ROR2: variants seen among roughly 807,000 people sequenced by gnomAD.
The protein encoded by ROR2 is tyrosine-protein kinase transmembrane receptor ROR2.
ROR2 carries 33 observed loss-of-function variants against 74.9 expected under a neutral mutation model. The observed-to-expected ratio is 0.44, with a 90% CI of 0.33 to 0.59. The LOEUF is 0.59. Ranked by LOEUF, ROR2 falls within the 20% of genes least tolerant of loss-of-function variation. The pLI is 0.02. For missense variants in ROR2, 1,216 were observed against 1,313.8 expected, an observed-to-expected ratio of 0.93 and a Z score of 1.15; for synonymous variants, 586 against 558.7, an observed-to-expected ratio of 1.05 and a Z score of -0.69.
At chr9:91,892,947 T>C (rs1038662675) in intron 1 of ROR2, among the ~76,000 whole-genome samples, 3 of 152,114 alleles carry the variant, frequency 2.0e-5, no homozygotes, top group African/African-American at 7.2e-5. Context: ...TACTATAAAG[T>C]ACATTGATGA....
chr9:91,920,793 G>A (rs79897735), intron 1 of ROR2, among the ~76,000 whole-genome samples: 13,531 of 152,130 alleles, frequency 0.089, 1,086 homozygotes, highest in East Asian at 0.22. Context: ...CAGAAGAGGC[G>A]GAGACCCCAC....
rs1482211865 is a variant in ROR2, at chr9:91,806,738, C to T, written c.98-30920G>A. 1.2e-4 allele frequency among the ~76,000 whole-genome samples: 18 copies of T among 152,238 alleles called. No individual in the cohort carries two copies. In the South Asian group the frequency reaches 1.5e-3, roughly 12 times the overall value. ...CCAAGTAGCTGGGACTACAGGCACC[C>T]ACCACCACACCCGGCTAATTTTTTG... is the stretch of plus-strand genomic sequence containing the variant. On this transcript the variant is annotated intron_variant, in intron 1 of 8. Transcript: ENST00000375708.
At chr9:91,891,740 C>A (rs1277410478) in intron 1 of ROR2, among the ~76,000 whole-genome samples, 2 of 152,100 alleles carry the variant, frequency 1.3e-5, no homozygotes, top group Admixed American at 6.5e-5. Flanking sequence ...CGGCCCTGGG[C>A]CCCTCACCTT....
chr9:91,788,234 T>C (rs1212426361), intron 1 of ROR2, among the ~76,000 whole-genome samples: 1 of 151,246 alleles, frequency 6.6e-6, no homozygotes, highest in East Asian at 1.9e-4. Context: ...CTATCAAGAA[T>C]ACCAACACAT....
At chr9:91,902,585 C>T (rs1251802078) in intron 1 of ROR2, among the ~76,000 whole-genome samples, 1 of 152,114 alleles carries the variant, frequency 6.6e-6, no homozygotes, top group Non-Finnish European at 1.5e-5. Flanking sequence ...CGACCCTGCC[C>T]CCACCCCCAA....
rs1449160701 is a variant in ROR2, at chr9:91,724,931, G to C, written c.1563C>G (p.Phe521Leu). Residue 521 changes from phenylalanine to leucine, a missense_variant, in exon 9 of 9, where the codon TTC (phenylalanine) becomes TTG (leucine). Transcript: ENST00000375708. ...DKAEGPLREEFRHEAMLRARL... is the reference protein window; with the variant it reads ...DKAEGPLREELRHEAMLRARL... Reference sequence around the variant, plus strand: ...GTGCTCGCAGCATAGCCTCATGCCGGAACTCCTCCCGCAGGGGCCCCTCCG... The same window carrying C: ...GTGCTCGCAGCATAGCCTCATGCCGCAACTCCTCCCGCAGGGGCCCCTCCG... 6.2e-7 allele frequency: 1 copy of C among 1,612,672 alleles called. No homozygotes were observed. The highest frequency in any genetic ancestry group is 1.7e-5 in the Admixed American group (1 of 59,994).
chr9:91,867,979 C>T (rs1829691655), intron 1 of ROR2, among the ~76,000 whole-genome samples: 1 of 152,162 alleles, frequency 6.6e-6, no homozygotes, highest in Non-Finnish European at 1.5e-5. Flanking sequence ...TCAAAATCTC[C>T]ATGATGCAAT....
At chr9:91,826,877 T>A (rs1333878993) in intron 1 of ROR2, among the ~76,000 whole-genome samples, 1 of 152,188 alleles carries the variant, frequency 6.6e-6, no homozygotes, top group African/African-American at 2.4e-5. Flanking sequence ...AAGGGGAGAC[T>A]CTGAAGGTTC....
chr9:91,810,236 C>T (rs1827703235), intron 1 of ROR2, among the ~76,000 whole-genome samples: 2 of 152,180 alleles, frequency 1.3e-5, no homozygotes, highest in African/African-American at 4.8e-5. Flanking sequence ...GGCATCGGTA[C>T]TGGGCTGGCG....
intron 1 of ROR2, among the ~76,000 whole-genome samples, chr9:91,858,001 CG>C: frequency 6.6e-6 from 1 of 152,108 alleles, no homozygotes; most frequent in Non-Finnish European, 1.5e-5. Context: ...GGATATAGGC[CG>C]CCAAGCCCAG....
chr9:91,740,551 C>T (rs531533688), intron 4 of ROR2, among the ~76,000 whole-genome samples: 7 of 136,166 alleles, frequency 5.1e-5, no homozygotes, highest in African/African-American at 9.7e-5. Flanking sequence ...GACTCTGTTT[C>T]GGGCGGGGGG....
At chr9:91,768,611 C>T (rs369590919) in intron 2 of ROR2, among the ~76,000 whole-genome samples, 1 of 152,166 alleles carries the variant, frequency 6.6e-6, no homozygotes, top group Admixed American at 6.5e-5. Flanking sequence ...GACGCCACCC[C>T]GCTGGGCGCA....
chr9:91,726,455 A>G (rs917106172), intron 8 of ROR2, 86 bp downstream of exon 8: 1 of 1,270,256 alleles, frequency 7.9e-7, no homozygotes, highest in African/African-American at 1.5e-5. Context: ...TATCAAGTAA[A>G]TTAAGACATT....
chr9:91,757,596 G>C (rs374384344), intron 2 of ROR2, 37 bp from the exon 3 acceptor site: 2 of 1,602,990 alleles, frequency 1.2e-6, no homozygotes, highest in African/African-American at 2.7e-5. Flanking sequence ...GCAAGCGTCA[G>C]TGAGGGCTGG....
intron 1 of ROR2, among the ~76,000 whole-genome samples, chr9:91,901,315 TGGGATATCATGAAACACCAATAACTAGGA>T (rs1307402240): frequency 1.3e-5 from 2 of 152,212 alleles, no homozygotes; most frequent in Non-Finnish European, 2.9e-5. Flanking sequence ...CTGATACCTG[TGGGATATCATGAAACACCAATAACTAGGA>T]GGTAGTGATA....
intron 1 of ROR2, among the ~76,000 whole-genome samples, chr9:91,842,652 C>T (rs901425830): frequency 2.6e-5 from 4 of 152,234 alleles, no homozygotes; most frequent in Admixed American, 2.0e-4. Flanking sequence ...TGGGTTTGCC[C>T]AGACAGGCAC....
In ROR2 at chr9:91,882,514, G is replaced by A. The variant is rs374370287; in HGVS notation, c.97+67353C>T. 1.6e-4 allele frequency among the ~76,000 whole-genome samples: 24 copies of A among 151,596 alleles called. No homozygotes were observed. In the East Asian group the frequency reaches 1.7e-3, roughly 11 times the overall value. ...TGAAGAGGCAGTGAAAATGCTGAAC[G>A]AAAAAATATATACAACAAGCCTCCA... On this transcript the variant is annotated intron_variant, in intron 1 of 8. Transcript: ENST00000375708.
intron 1 of ROR2, among the ~76,000 whole-genome samples, chr9:91,885,211 T>C (rs967991916): frequency 6.6e-6 from 1 of 152,022 alleles, no homozygotes; most frequent in African/African-American, 2.4e-5. Context: ...CAAATGGCAG[T>C]GTGGCCTGCA....
chr9:91,800,239 G>C (rs1827329745), intron 1 of ROR2, among the ~76,000 whole-genome samples: 1 of 152,118 alleles, frequency 6.6e-6, no homozygotes, highest in South Asian at 2.1e-4. Flanking sequence ...CTACTCAGGA[G>C]GCTGAGGCAG....
Sources: allele counts gnomAD v4.1 joint callset (sites outside exome capture counted in the v4.1 genomes callset), GRCh38; gene constraint gnomAD v4.1.1; transcripts MANE v1.5; gene names NCBI Gene and HGNC (gene_info 2026-07-23, HGNC 2026-07-21).